Variants in CEACAM21 observed in about 807,000 individuals in gnomAD.
The protein encoded by CEACAM21 is CEA cell adhesion molecule 21, also known as cell adhesion molecule CEACAM21.
Under a neutral mutation model 33.2 loss-of-function variants are expected in CEACAM21, and 38 were observed. The observed-to-expected ratio is 1.14, with a 90% CI of 0.88 to 1.50. CEACAM21 has a LOEUF of 1.50. Among genes scored for constraint, CEACAM21 ranks in the 40% most tolerant of loss-of-function variants. The pLI, the probability that CEACAM21 is intolerant of heterozygous loss-of-function variation, is 0.00. For synonymous variants in CEACAM21, 156 were observed against 143.0 expected, an observed-to-expected ratio of 1.09 and a Z score of -0.65; for missense variants, 385 against 364.6, an observed-to-expected ratio of 1.06 and a Z score of -0.46.
intron 1 of CEACAM21, chr19:41,555,004 C>G (rs1555785194): frequency 6.6e-6 from 1 of 152,042 alleles, no homozygotes; most frequent in Non-Finnish European, 1.5e-5. Context: ...GGCTTCTTTA[C>G]TAGGACAGCT....
rs782722626 is a variant in CEACAM21, at chr19:41,560,989, G to A, written c.-778-3693G>A. On this transcript the variant is annotated intron_variant, in intron 1 of 7. Transcript: ENST00000407170. ...AGCAAGACAAAAATATAAAATAAAA[G>A]GTCCAAGAAATAACAAAGAAGAAAC... Among the ~76,000 whole-genome samples the A allele has an allele frequency of 3.8e-4, 57 of 151,960 alleles. 2 individuals carry two copies. Among genetic ancestry groups the A allele is most frequent in the Admixed American group, 2.9e-3 (45 of 15,266 alleles).
chr19:41,560,667 T>C (rs1217719164), intron 1 of CEACAM21, among the ~76,000 whole-genome samples: 1 of 152,198 alleles, frequency 6.6e-6, no homozygotes, highest in Non-Finnish European at 1.5e-5. Flanking sequence ...AGAATACAGT[T>C]AAACAGTAGA....
chr19:41,585,375 C>T (rs377297156), intron 4 of CEACAM21, 68 bp from the exon 5 acceptor site: 10 of 1,517,120 alleles, frequency 6.6e-6, no homozygotes, highest in Non-Finnish European at 9.2e-6. Flanking sequence ...CTTTCCTGGT[C>T]CCCTATTTTA....
chr19:41,569,862 A>T (rs115953862), intron 2 of CEACAM21, among the ~76,000 whole-genome samples: 3,643 of 152,186 alleles, frequency 0.024, 157 homozygotes, highest in African/African-American at 0.083. Context: ...GCAAGCTCTC[A>T]CCCTCTAAAT....
intron 3 of CEACAM21, among the ~76,000 whole-genome samples, chr19:41,580,762 T>C (rs2043316638): frequency 6.6e-6 from 1 of 152,226 alleles, no homozygotes; most frequent in Non-Finnish European, 1.5e-5. Flanking sequence ...TAGATATGAT[T>C]GATTTAATCA....
At chr19:41,574,499 A>G (rs2122212026), upstream of CEACAM21, among the ~76,000 whole-genome samples, 1 of 152,260 alleles carries the variant, frequency 6.6e-6, no homozygotes, top group African/African-American at 2.4e-5. Context: ...GAATAATAAA[A>G]AGATAACCCA....
chr19:41,565,852 T>C (rs1479063977), intron 2 of CEACAM21, among the ~76,000 whole-genome samples: 4 of 151,312 alleles, frequency 2.6e-5, no homozygotes, highest in African/African-American at 9.7e-5. Context: ...TGATATCAAG[T>C]GTAGGCAAGT....
chr19:41,581,879 G>A (rs913029229), intron 3 of CEACAM21, among the ~76,000 whole-genome samples: 14 of 152,052 alleles, frequency 9.2e-5, no homozygotes, highest in African/African-American at 3.1e-4. Context: ...CATTCCACCC[G>A]ACCCCTCCCA....
At chr19:41,567,983 A>G (rs1028893924) in intron 2 of CEACAM21, among the ~76,000 whole-genome samples, 1 of 151,590 alleles carries the variant, frequency 6.6e-6, no homozygotes, top group African/African-American at 2.4e-5. Context: ...TTAGTGCTTC[A>G]TGATTCACCC....
chr19:41,575,730 G>A (rs1351102219), upstream of CEACAM21, among the ~76,000 whole-genome samples: 1 of 152,058 alleles, frequency 6.6e-6, no homozygotes, highest in African/African-American at 2.4e-5. Context: ...CAGAGGCCAG[G>A]CTGGTGACAC....
chr19:41,560,512 C>T (rs1342111080), intron 1 of CEACAM21, among the ~76,000 whole-genome samples: 3 of 152,186 alleles, frequency 2.0e-5, no homozygotes, highest in African/African-American at 7.2e-5. Context: ...GCTATTATAA[C>T]TTTGACCCCC....
upstream of CEACAM21, among the ~76,000 whole-genome samples, chr19:41,572,560 A>G (rs372551893): frequency 5.9e-5 from 9 of 152,216 alleles, no homozygotes; most frequent in East Asian, 1.5e-3. Flanking sequence ...TCTCTCGCCC[A>G]ATGTTCACTC....
At position 41,576,200 on chromosome 19, in the gene CEACAM21, C is replaced by G; in HGVS notation, c.-75C>G. On this transcript the variant is annotated 5_prime_UTR_variant, in exon 1 of 7. Transcript: ENST00000401445. ...GGAAGGACAGCAGAGACAACAGTCA[C>G]AGTAACCCTGTCTAGAGCGTTCCTG... The G allele has an allele frequency of 6.4e-7, 1 of 1,551,600 alleles. No individual in the cohort carries two copies. Among genetic ancestry groups the G allele is most frequent in the South Asian group, 1.1e-5 (1 of 89,484 alleles).
chr19:41,552,845 T>C (rs1163111762), intron 1 of CEACAM21, among the ~76,000 whole-genome samples: 3 of 152,166 alleles, frequency 2.0e-5, no homozygotes, highest in Non-Finnish European at 2.9e-5. Flanking sequence ...TTGCTGCTAC[T>C]TCCTTCAGAA....
At chr19:41,568,514 A>G (rs782648645) in intron 2 of CEACAM21, among the ~76,000 whole-genome samples, 3 of 152,134 alleles carry the variant, frequency 2.0e-5, no homozygotes, top group Non-Finnish European at 4.4e-5. Context: ...TGAATATCCA[A>G]TTCCCCAGCA....
At chr19:41,560,836 A>G (rs1555786675) in intron 1 of CEACAM21, among the ~76,000 whole-genome samples, 1 of 152,236 alleles carries the variant, frequency 6.6e-6, no homozygotes, top group African/African-American at 2.4e-5. Flanking sequence ...ACCTCAATCT[A>G]AAAAAGAGCG....
chr19:41,579,416 T>C lies in CEACAM21; in HGVS notation c.488T>C (p.Val163Ala). 1.9e-6 allele frequency: 3 copies of C among 1,613,920 alleles called. No individual in the cohort carries two copies. The highest frequency in any genetic ancestry group is 2.5e-6 in the Non-Finnish European group (3 of 1,179,866). The change falls in exon 3 of 7, where the codon GTC becomes GCC. Residue 163 changes from valine (V) to alanine (A), a missense_variant. Val to Ala is a moderately conservative substitution (Grantham distance 64, BLOSUM62 0). Coordinates refer to ENST00000401445, the MANE Select transcript of CEACAM21 (RefSeq NM_001098506.4). Reference protein sequence around the residue: ...STTVTEKGSVVLTCHTNNTGT... With the variant: ...STTVTEKGSVALTCHTNNTGT... ...ACAGTCACAGAGAAGGGCTCCGTGG[T>C]CCTGACCTGCCACACAAATAACACT...
chr19:41,578,511 C>T (rs1357377571), intron 2 of CEACAM21, among the ~76,000 whole-genome samples: 1 of 152,164 alleles, frequency 6.6e-6, no homozygotes, highest in Non-Finnish European at 1.5e-5. Flanking sequence ...GTCACACCAC[C>T]GTGTGTCTGC....
intron 2 of CEACAM21, among the ~76,000 whole-genome samples, chr19:41,578,211 C>G (rs1327811767): frequency 6.6e-6 from 1 of 152,070 alleles, no homozygotes; most frequent in Non-Finnish European, 1.5e-5. Context: ...TAAAAGATGT[C>G]CCGGGAAGTG....
Sources: gnomAD v4.1 joint callset for allele counts (sites outside exome capture counted in the v4.1 genomes callset) on GRCh38, gnomAD v4.1.1 for gene constraint, MANE v1.5 for transcripts, NCBI Gene and HGNC (gene_info 2026-07-23, HGNC 2026-07-21) for gene names.